The following DIP2B variants were observed in gnomAD, a reference collection of about 807,000 sequenced individuals.
DIP2B encodes disco-interacting protein 2 homolog B.
DIP2B carries 76 observed loss-of-function variants against 198.0 expected under a neutral mutation model. The ratio of observed to expected loss-of-function variants is 0.38; its 90% CI spans 0.32 to 0.46. DIP2B has a LOEUF of 0.46. Ranked by LOEUF, DIP2B falls within the 20% of genes least tolerant of loss-of-function variation. The pLI, the probability that DIP2B is intolerant of heterozygous loss-of-function variation, is 0.99. For missense variants in DIP2B, 1,559 were observed against 1,978.4 expected, an observed-to-expected ratio of 0.79 and a Z score of 4.02; for synonymous variants, 701 against 739.1, an observed-to-expected ratio of 0.95 and a Z score of 0.84.
intron 3 of DIP2B, among the ~76,000 whole-genome samples, chr12:50,649,446 A>G (rs1006368773): frequency 4.6e-5 from 7 of 152,256 alleles, no homozygotes; most frequent in Non-Finnish European, 8.8e-5. Flanking sequence ...ATATCTGGGA[A>G]TTTAGTATAC....
chr12:50,551,654 A>G (rs746665778), intron 1 of DIP2B, among the ~76,000 whole-genome samples: 1 of 152,116 alleles, frequency 6.6e-6, no homozygotes, highest in East Asian at 1.9e-4. Flanking sequence ...ATGTCGCCCC[A>G]GCTGGTCTTG....
intron 1 of DIP2B, among the ~76,000 whole-genome samples, chr12:50,566,965 C>A (rs1327557520): frequency 1.4e-5 from 2 of 138,514 alleles, no homozygotes; most frequent in Non-Finnish European, 3.1e-5. Context: ...GAGCGAGACT[C>A]CGTCTCAAAA....
In DIP2B at chr12:50,626,615, C is replaced by T. The variant is rs570461119; in HGVS notation, c.172+568C>T. 2.0e-5 allele frequency among the ~76,000 whole-genome samples: 3 copies of T among 152,290 alleles called. No homozygotes were observed. In the East Asian group the frequency reaches 5.8e-4, roughly 29 times the overall value. ...CTAAGCAAGGCTGTCTCTAAATAAT[C>T]ATCATATTTTTAAAGTTACTCAGAT... On this transcript the variant is annotated intron_variant, in intron 2 of 37. Transcript: ENST00000301180.
chr12:50,728,226 AAAATCAGCTGG>A (rs1484536241), intron 29 of DIP2B, among the ~76,000 whole-genome samples: 1 of 152,142 alleles, frequency 6.6e-6, no homozygotes, highest in Non-Finnish European at 1.5e-5. Flanking sequence ...CTAAAAATAG[AAAATCAGCTGG>A]GCGTGGTGGT....
intron 2 of DIP2B, among the ~76,000 whole-genome samples, chr12:50,631,134 T>G (rs949866432): frequency 6.6e-6 from 1 of 151,990 alleles, no homozygotes; most frequent in East Asian, 1.9e-4. Context: ...CTCCTTCTTT[T>G]CTTTTTTTGA....
Position 50,612,220 on chromosome 12 carries a change from C to T in DIP2B, c.101-13756C>T, listed in dbSNP as rs145210481. ...TGTGATTGCACGACTGCACTCCAGC[C>T]TGGGCCACAGAGTGAGACCCTGTCT... is the stretch of plus-strand genomic sequence containing the variant. On this transcript the variant is annotated intron_variant, in intron 1 of 37. Coordinates refer to ENST00000301180, the MANE Select transcript of DIP2B (RefSeq NM_173602.3). Among the ~76,000 whole-genome samples, 520 of 152,168 alleles carry T rather than the reference C, an allele frequency of 3.4e-3. 5 individuals are homozygous for T. Among genetic ancestry groups the T allele is most frequent in the African/African-American group, 0.012 (484 of 41,516 alleles).
At chr12:50,663,872 TAAAAAAAAAAA>T (rs397934701) in intron 4 of DIP2B, among the ~76,000 whole-genome samples, 13 of 104,820 alleles carry the variant, frequency 1.2e-4, no homozygotes, top group South Asian at 3.1e-4. Flanking sequence ...CCCATCTCTT[TAAAAAAAAAAA>T]AAAAAAAAAA....
intron 3 of DIP2B, 22 bp from the exon 4 acceptor site, chr12:50,660,172 A>G: frequency 6.3e-7 from 1 of 1,598,406 alleles, no homozygotes; most frequent in Non-Finnish European, 8.5e-7. Flanking sequence ...AAGCTAATAA[A>G]TGCAAATGTT....
chr12:50,516,770 T>A (rs1958069265), intron 1 of DIP2B, among the ~76,000 whole-genome samples: 1 of 151,846 alleles, frequency 6.6e-6, no homozygotes, highest in South Asian at 2.1e-4. Flanking sequence ...AGGTCAGGAG[T>A]TCGAGACCAG....
At chr12:50,582,244 C>T (rs140842457) in intron 1 of DIP2B, among the ~76,000 whole-genome samples, 27 of 149,502 alleles carry the variant, frequency 1.8e-4, no homozygotes, top group African/African-American at 5.4e-4. Flanking sequence ...CTCCGCCTCC[C>T]GGGTTCAAGT....
rs193208745 is a variant in DIP2B, at chr12:50,602,138, C to G, written c.101-23838C>G. Among the ~76,000 whole-genome samples, 5 of 152,362 alleles carry G rather than the reference C, an allele frequency of 3.3e-5. No homozygotes were observed. In the East Asian group the frequency reaches 7.7e-4, roughly 23 times the overall value. ...TAATGTACTGAAGTAATTCCCACCT[C>G]TTCCCTCTTACGAATCTACTAATAG... On this transcript the variant is annotated intron_variant, in intron 1 of 37. Coordinates refer to ENST00000301180, the MANE Select transcript of DIP2B (RefSeq NM_173602.3).
chr12:50,576,295 G>T (rs1429442778), intron 1 of DIP2B, among the ~76,000 whole-genome samples: 1 of 151,566 alleles, frequency 6.6e-6, no homozygotes, highest in Non-Finnish European at 1.5e-5. Flanking sequence ...TTGAACTCCT[G>T]ACCTCAGGTG....
chr12:50,698,317 C>G lies in DIP2B; in HGVS notation c.2049-11C>G, dbSNP rs773584060. On this transcript the variant is annotated splice_polypyrimidine_tract_variant and intron_variant, in intron 17 of 37. Coordinates refer to ENST00000301180, the MANE Select transcript of DIP2B (RefSeq NM_173602.3). ...TTTCATTCACCAAACTTGATGGGTTCTTCTTTTCAGGCCTGGAGTTCCAGG... is the reference window on the plus strand; with the variant it reads ...TTTCATTCACCAAACTTGATGGGTTGTTCTTTTCAGGCCTGGAGTTCCAGG... The G allele has an allele frequency of 1.2e-6, 2 of 1,605,260 alleles. No homozygotes were observed. Among genetic ancestry groups the G allele is most frequent in the Non-Finnish European group, 1.7e-6 (2 of 1,176,834 alleles).
chr12:50,542,816 C>CA (rs1290124499), intron 1 of DIP2B, among the ~76,000 whole-genome samples: 2 of 152,106 alleles, frequency 1.3e-5, no homozygotes, highest in African/African-American at 4.8e-5. Context: ...ATAACTAAAA[C>CA]AAATTTCTAG....
chr12:50,580,008 C>A lies in DIP2B; in HGVS notation c.101-45968C>A, dbSNP rs139462329. On this transcript the variant is annotated intron_variant, in intron 1 of 37. Coordinates refer to ENST00000301180, the MANE Select transcript of DIP2B (RefSeq NM_173602.3). ...ATGGGCACAAAGGAGAAGACCAGTTCTTAGCTTAACCTAGACCTTGTGGGG... is the reference window on the plus strand; with the variant it reads ...ATGGGCACAAAGGAGAAGACCAGTTATTAGCTTAACCTAGACCTTGTGGGG... 8.6e-3 allele frequency among the ~76,000 whole-genome samples: 1,159 copies of A among 135,164 alleles called. 38 individuals are homozygous for A. The highest frequency in any genetic ancestry group is 0.014 in the Middle Eastern group (4 of 276). The allele number at this position is 135,164 out of a possible 152,430, so 88.7% of individuals were successfully genotyped here. A position where few individuals can be genotyped will look rare whatever the true frequency, so the allele number is the denominator to read the frequency against.
chr12:50,592,019 A>C (rs1273042610), intron 1 of DIP2B, among the ~76,000 whole-genome samples: 2 of 151,658 alleles, frequency 1.3e-5, no homozygotes, highest in East Asian at 1.9e-4. Flanking sequence ...CTGGGATTAC[A>C]GGCATGTGTC....
intron 1 of DIP2B, among the ~76,000 whole-genome samples, chr12:50,510,335 A>G (rs1479319776): frequency 1.3e-5 from 2 of 152,204 alleles, no homozygotes; most frequent in African/African-American, 2.4e-5. Flanking sequence ...GTGTATTTTG[A>G]AAAATTAATC....
chr12:50,711,963 C>G (rs943759648), intron 22 of DIP2B, among the ~76,000 whole-genome samples: 8 of 152,154 alleles, frequency 5.3e-5, no homozygotes, highest in African/African-American at 1.7e-4. Flanking sequence ...AGTTCAAGAC[C>G]AGCCTGGGAC....
intron 3 of DIP2B, among the ~76,000 whole-genome samples, chr12:50,649,573 G>A (rs1261606536): frequency 6.6e-6 from 1 of 152,156 alleles, no homozygotes; most frequent in African/African-American, 2.4e-5. Flanking sequence ...TAAACTTCAG[G>A]CCAGGTGTGG....
Sources: gnomAD v4.1 joint callset for allele counts (sites outside exome capture counted in the v4.1 genomes callset) on GRCh38, gnomAD v4.1.1 for gene constraint, MANE v1.5 for transcripts, NCBI Gene and HGNC (gene_info 2026-07-23, HGNC 2026-07-21) for gene names.